Variants in THSD7B observed in about 807,000 individuals in gnomAD.
The protein encoded by THSD7B is thrombospondin type 1 domain containing 7B.
THSD7B carries 138 observed loss-of-function variants against 213.6 expected under a neutral mutation model. That is an observed-to-expected ratio of 0.65 (90% CI 0.56 to 0.74). The LOEUF (loss-of-function observed/expected upper bound fraction) is 0.74. THSD7B is among the 30% of genes least tolerant of loss of function. The pLI, the probability that THSD7B is intolerant of heterozygous loss-of-function variation, is 0.00. For synonymous variants in THSD7B, 742 were observed against 687.0 expected (o/e 1.08, Z -1.25); for missense variants, 1,931 against 1,991.5 (o/e 0.97, Z 0.58).
intron 10 of THSD7B, among the ~76,000 whole-genome samples, chr2:137,246,195 C>T (rs1682031733): frequency 6.6e-6 from 1 of 152,088 alleles, no homozygotes; most frequent in African/African-American, 2.4e-5. Context: ...CAAGTGGAAA[C>T]CTCGACTAAT....
intron 2 of THSD7B, among the ~76,000 whole-genome samples, chr2:136,971,875 C>T (rs1483943727): frequency 6.6e-6 from 1 of 152,032 alleles, no homozygotes; most frequent in Non-Finnish European, 1.5e-5. Context: ...AGGGATTGGG[C>T]TCCACTTCTC....
At chr2:137,208,695 G>T (rs572835407) in intron 7 of THSD7B, among the ~76,000 whole-genome samples, 2 of 152,114 alleles carry the variant, frequency 1.3e-5, no homozygotes, top group South Asian at 2.1e-4. Flanking sequence ...ATGTTGACTG[G>T]TTGTGGATGA....
Position 137,160,384 on chromosome 2 carries a change from G to T in THSD7B, c.1525+16G>T. On this transcript the variant is annotated intron_variant, in intron 6 of 27. Coordinates refer to ENST00000409968, the MANE Select transcript of THSD7B (RefSeq NM_001316349.2). ...GGGAAAAAAGGTGAGTGCCTTGTTT[G>T]CATGCGCTTCATTTGCTGTCAGCGT... 1.2e-6 allele frequency: 2 copies of T among 1,610,070 alleles called. No homozygotes were observed.
At chr2:136,821,004 T>C (rs1311717893) in intron 1 of THSD7B, among the ~76,000 whole-genome samples, 3 of 152,164 alleles carry the variant, frequency 2.0e-5, no homozygotes, top group South Asian at 2.1e-4. Context: ...TTACAGATAA[T>C]TGCAAGAATA....
intron 2 of THSD7B, among the ~76,000 whole-genome samples, chr2:136,968,203 A>T (rs986549693): frequency 6.6e-6 from 1 of 152,144 alleles, no homozygotes; most frequent in African/African-American, 2.4e-5. Context: ...ACGTGATGAA[A>T]CTAATTTACT....
chr2:137,234,314 C>T (rs1478922519), intron 9 of THSD7B, among the ~76,000 whole-genome samples: 1 of 152,158 alleles, frequency 6.6e-6, no homozygotes, highest in Non-Finnish European at 1.5e-5. Flanking sequence ...AATGGAAACA[C>T]TGAAAAATTT....
intron 2 of THSD7B, among the ~76,000 whole-genome samples, chr2:136,976,136 T>C (rs1156274642): frequency 2.0e-5 from 3 of 152,242 alleles, no homozygotes; most frequent in Non-Finnish European, 4.4e-5. Flanking sequence ...AAAGACAATT[T>C]GACTTTCTCT....
intron 6 of THSD7B, among the ~76,000 whole-genome samples, chr2:137,163,828 A>T (rs577304164): frequency 2.6e-5 from 4 of 152,356 alleles, no homozygotes; most frequent in Admixed American, 2.0e-4. Flanking sequence ...AGTGTCAAGA[A>T]GTAAGGTAAT....
At chr2:137,250,463 G>A (rs1205864432) in intron 10 of THSD7B, among the ~76,000 whole-genome samples, 1 of 152,078 alleles carries the variant, frequency 6.6e-6, no homozygotes, top group Non-Finnish European at 1.5e-5. Context: ...TCAACCTTAT[G>A]TTGAAAGAAT....
chr2:137,593,107 T>G (rs1167995175), intron 17 of THSD7B, among the ~76,000 whole-genome samples: 1 of 152,106 alleles, frequency 6.6e-6, no homozygotes, highest in East Asian at 1.9e-4. Context: ...TAGTTTGTTC[T>G]TTTTTGTTGT....
chr2:137,135,670 C>T (rs10432374), intron 5 of THSD7B, among the ~76,000 whole-genome samples: 101,953 of 151,960 alleles, frequency 0.67, 35,970 homozygotes, highest in Non-Finnish European at 0.77. Context: ...CTGGGAAGAG[C>T]AGAACCACCA....
intron 1 of THSD7B, among the ~76,000 whole-genome samples, chr2:136,846,404 T>C (rs960121018): frequency 5.9e-5 from 9 of 152,222 alleles, no homozygotes; most frequent in African/African-American, 2.2e-4. Context: ...GATCATTTTG[T>C]TCATTAAAGA....
chr2:137,561,598 T>C (rs1277952174), intron 15 of THSD7B, among the ~76,000 whole-genome samples: 1 of 152,160 alleles, frequency 6.6e-6, no homozygotes, highest in African/African-American at 2.4e-5. Context: ...AGCATCGTTG[T>C]CGTGATGCAG....
In THSD7B at chr2:136,998,045, G is replaced by A. The variant is rs77114272; in HGVS notation, c.140-58375G>A. ...TAGCAGACAACTGAGCAAGGAGCTCGGGACAGGATTAGACCAGCTGGAGAC... is the reference window on the plus strand; with the variant it reads ...TAGCAGACAACTGAGCAAGGAGCTCAGGACAGGATTAGACCAGCTGGAGAC... On this transcript the variant is annotated intron_variant, in intron 2 of 27. Coordinates refer to ENST00000409968, the MANE Select transcript of THSD7B (RefSeq NM_001316349.2). 2.0e-4 allele frequency among the ~76,000 whole-genome samples: 30 copies of A among 152,066 alleles called. No homozygotes were observed. In the East Asian group the frequency reaches 4.9e-3, roughly 25 times the overall value.
chr2:136,798,506 G>T (rs999803334), intron 1 of THSD7B, among the ~76,000 whole-genome samples: 4 of 151,970 alleles, frequency 2.6e-5, no homozygotes, highest in African/African-American at 9.7e-5. Flanking sequence ...TCACCTGTCA[G>T]ACTGTTCTGC....
intron 3 of THSD7B, among the ~76,000 whole-genome samples, chr2:137,077,949 A>T (rs556284464): frequency 1.9e-4 from 29 of 152,258 alleles, no homozygotes; most frequent in Middle Eastern, 3.4e-3. Flanking sequence ...TAGGGTTTTT[A>T]TGGTTTCAGG....
intron 1 of THSD7B, among the ~76,000 whole-genome samples, chr2:136,790,526 T>C (rs1420487982): frequency 6.6e-6 from 1 of 152,148 alleles, no homozygotes; most frequent in Non-Finnish European, 1.5e-5. Context: ...TTACAATTTC[T>C]GTAGGTAATA....
At chr2:137,144,603 T>C (rs548274061) in intron 5 of THSD7B, among the ~76,000 whole-genome samples, 1 of 152,158 alleles carries the variant, frequency 6.6e-6, no homozygotes, top group South Asian at 2.1e-4. Flanking sequence ...TATTTCAAAC[T>C]GTGTATTGAC....
At chr2:136,933,814 T>C (rs941552196) in intron 2 of THSD7B, among the ~76,000 whole-genome samples, 30 of 152,334 alleles carry the variant, frequency 2.0e-4, no homozygotes, top group African/African-American at 7.0e-4. Context: ...TAATTGATAT[T>C]GAACCTAACT....
Sources: allele counts gnomAD v4.1 joint callset (sites outside exome capture counted in the v4.1 genomes callset), GRCh38; gene constraint gnomAD v4.1.1; transcripts MANE v1.5; gene names NCBI Gene and HGNC (gene_info 2026-07-23, HGNC 2026-07-21).